Variants in OXSR1 observed in about 807,000 individuals in gnomAD.
The protein encoded by OXSR1 is serine/threonine-protein kinase OSR1.
A neutral mutation model predicts 79.8 loss-of-function variants in OXSR1; 24 were observed. The observed-to-expected ratio is 0.30, with a 90% CI of 0.22 to 0.42. The LOEUF (loss-of-function observed/expected upper bound fraction) is 0.42, where lower values mean the gene tolerates loss of function less well. OXSR1 is among the 10% of genes least tolerant of loss of function. OXSR1 has a pLI of 1.00. For synonymous variants in OXSR1, 226 were observed against 209.2 expected (o/e 1.08, Z -0.69); for missense variants, 430 against 618.4 (o/e 0.70, Z 3.23).
intron 16 of OXSR1, 93 bp from the exon 17 acceptor site, chr3:38,252,235 T>C: frequency 1.2e-6 from 1 of 852,686 alleles, no homozygotes; most frequent in Non-Finnish European, 2.0e-6. Context: ...GTACGGAGCA[T>C]ATTCTTAACT....
intron 15 of OXSR1, among the ~76,000 whole-genome samples, chr3:38,250,989 A>G (rs1386441190): frequency 6.6e-6 from 1 of 152,230 alleles, no homozygotes; most frequent in African/African-American, 2.4e-5. Context: ...TAAGAAGAAA[A>G]GCCCACCAGA....
intron 1 of OXSR1, among the ~76,000 whole-genome samples, chr3:38,170,628 T>C (rs1289135143): frequency 6.6e-6 from 1 of 152,256 alleles, no homozygotes; most frequent in Non-Finnish European, 1.5e-5. Flanking sequence ...GTAACATGAC[T>C]GCTTAAAGCC....
upstream of OXSR1, chr3:38,165,131 G>C (rs1352500119): frequency 1.3e-5 from 2 of 152,320 alleles, no homozygotes; most frequent in Non-Finnish European, 2.9e-5. Context: ...CTAAGAGCCT[G>C]GAGGCGGGAC....
At chr3:38,237,095 A>G in intron 11 of OXSR1, 134 bp downstream of exon 11, 2 of 716,452 alleles carry the variant, frequency 2.8e-6, no homozygotes, top group African/African-American at 1.8e-5. Flanking sequence ...AGCCCAGTTA[A>G]TTCTGCATGG....
chr3:38,190,015 TAGACTG>T (rs1701953274), intron 2 of OXSR1, among the ~76,000 whole-genome samples: 1 of 152,136 alleles, frequency 6.6e-6, no homozygotes, highest in Non-Finnish European at 1.5e-5. Flanking sequence ...AAATTTTGTC[TAGACTG>T]AGATCAGAAG....
At chr3:38,182,802 TG>T (rs1217010562) in intron 1 of OXSR1, among the ~76,000 whole-genome samples, 200 bp from the exon 2 acceptor site, 1 of 152,242 alleles carries the variant, frequency 6.6e-6, no homozygotes, top group African/African-American at 2.4e-5. Flanking sequence ...ATATTTTTTT[TG>T]CACTGGTATT....
chr3:38,173,378 A>G (rs1233107118), intron 1 of OXSR1, among the ~76,000 whole-genome samples: 2 of 152,180 alleles, frequency 1.3e-5, no homozygotes, highest in Admixed American at 6.5e-5. Context: ...GTAGTTGCCT[A>G]CTGATTAAGA....
chr3:38,244,666 T>TGTGTGTGTGTGTGTGTGCGC (rs748851263), intron 12 of OXSR1, among the ~76,000 whole-genome samples: 4,113 of 143,978 alleles, frequency 0.029, 97 homozygotes, highest in Non-Finnish European at 0.042. Flanking sequence ...TGTGTGTGTG[T>TGTGTGTGTGTGTGTGTGCGC]GCGTGCGCAT....
At chr3:38,216,623 T>C (rs1702487254) in intron 5 of OXSR1, among the ~76,000 whole-genome samples, 1 of 152,078 alleles carries the variant, frequency 6.6e-6, no homozygotes, top group South Asian at 2.1e-4. Flanking sequence ...AGAGTTGCAG[T>C]CCAGGGCCTA....
intron 8 of OXSR1, among the ~76,000 whole-genome samples, chr3:38,226,245 G>C (rs1702686623): frequency 6.6e-6 from 1 of 151,934 alleles, no homozygotes. Flanking sequence ...AATGCATTAT[G>C]AACTAGTTAG....
intron 1 of OXSR1, among the ~76,000 whole-genome samples, chr3:38,170,941 T>C (rs1701569478): frequency 6.6e-6 from 1 of 152,134 alleles, no homozygotes; most frequent in Non-Finnish European, 1.5e-5. Flanking sequence ...CATGCCCGCC[T>C]CATTGTTTTA....
intron 4 of OXSR1, among the ~76,000 whole-genome samples, chr3:38,214,340 G>A (rs1702443630): frequency 6.6e-6 from 1 of 152,104 alleles, no homozygotes; most frequent in South Asian, 2.1e-4. Context: ...AAGTACAGGT[G>A]ACTATAGTAG....
intron 8 of OXSR1, 176 bp downstream of exon 8, chr3:38,224,880 AG>A (rs1482451961): frequency 4.1e-6 from 2 of 488,008 alleles, no homozygotes; most frequent in Non-Finnish European, 7.2e-6. Context: ...CCTTCTTTGT[AG>A]TATACAGTGT....
rs750802574 is a variant in OXSR1, at chr3:38,230,344, ATACT to A, written c.886-15_886-12del. On this transcript the variant is annotated splice_polypyrimidine_tract_variant and intron_variant, in intron 9 of 17. Coordinates refer to ENST00000311806, the MANE Select transcript of OXSR1 (RefSeq NM_005109.3). The stretch of plus-strand genomic sequence containing the variant: ...TACCTTAAAAACTTGTAAGAACAAA[ATACT>A]TACTTTTCCTCTCCAGAATAAAGAA... The A allele has an allele frequency of 2.4e-5, 37 of 1,517,822 alleles. No individual in the cohort carries two copies. The highest frequency in any genetic ancestry group is 1.1e-4 in the East Asian group (5 of 44,302). 94.0% of individuals were successfully genotyped at this position (1,517,822 alleles called of 1,614,324 possible).
intron 3 of OXSR1, 77 bp downstream of exon 3, chr3:38,190,916 ATTTCG>A: frequency 1.2e-6 from 1 of 806,800 alleles, no homozygotes; most frequent in Non-Finnish European, 2.1e-6. Flanking sequence ...TTCTATCCTG[ATTTCG>A]TTTTCATGGA....
chr3:38,196,906 TCCTTTGCATTC>T (rs959983138), intron 3 of OXSR1, among the ~76,000 whole-genome samples: 55 of 152,368 alleles, frequency 3.6e-4, no homozygotes, highest in African/African-American at 1.3e-3. Flanking sequence ...GAATTGGTTT[TCCTTTGCATTC>T]CCTATTTTAG....
At chr3:38,177,709 C>G (rs1052816651) in intron 1 of OXSR1, among the ~76,000 whole-genome samples, 1 of 151,726 alleles carries the variant, frequency 6.6e-6, no homozygotes, top group Non-Finnish European at 1.5e-5. Context: ...CTCAGCCTCC[C>G]CAGTAGCTGG....
intron 1 of OXSR1, among the ~76,000 whole-genome samples, chr3:38,178,614 ATATATATTTTTT>A (rs1701718668): frequency 1.2e-5 from 1 of 83,682 alleles, no homozygotes; most frequent in African/African-American, 6.4e-5. Flanking sequence ...ATATATATAT[ATATATATTTTTT>A]TTTTTTTTTT....
chr3:38,166,789 CAAAAA>C (rs915290107), intron 1 of OXSR1, among the ~76,000 whole-genome samples: 1 of 63,820 alleles, frequency 1.6e-5, no homozygotes, highest in African/African-American at 6.5e-5. Context: ...GACTCTGACT[CAAAAA>C]AAAAAAAAAA....
Sources: allele counts gnomAD v4.1 joint callset (sites outside exome capture counted in the v4.1 genomes callset), GRCh38; gene constraint gnomAD v4.1.1; transcripts MANE v1.5; gene names NCBI Gene and HGNC (gene_info 2026-07-23, HGNC 2026-07-21).